The following ITPKB variants were observed in gnomAD, a reference collection of about 807,000 sequenced individuals.
ITPKB encodes inositol-trisphosphate 3-kinase B, also known as IP3 3-kinase B.
Under a neutral mutation model 69.4 loss-of-function variants are expected in ITPKB, and 13 were observed. The ratio of observed to expected loss-of-function variants is 0.19; its 90% confidence interval spans 0.12 to 0.30. The LOEUF (loss-of-function observed/expected upper bound fraction) is 0.30, where lower values mean the gene tolerates loss of function less well. ITPKB is among the 10% of genes least tolerant of loss of function. The probability of loss-of-function intolerance (pLI) is 1.00; values close to 1 mark genes in which losing one functional copy is unlikely to be tolerated. For missense variants in ITPKB, 1,240 were observed against 1,250.5 expected (o/e 0.99, Z 0.13); for synonymous variants, 584 against 513.7 (o/e 1.14, Z -1.85).
At chr1:226,698,370 G>C (rs1656546744) in intron 2 of ITPKB, among the ~76,000 whole-genome samples, 1 of 152,214 alleles carries the variant, frequency 6.6e-6, no homozygotes, top group Non-Finnish European at 1.5e-5. Flanking sequence ...CTGCTAGGGG[G>C]ATGAGAAACC....
intron 2 of ITPKB, among the ~76,000 whole-genome samples, chr1:226,670,785 G>C (rs1188847988): frequency 6.6e-6 from 1 of 152,136 alleles, no homozygotes; most frequent in African/African-American, 2.4e-5. Context: ...ATATTTGTAA[G>C]TATCCACAAA....
intron 4 of ITPKB, among the ~76,000 whole-genome samples, chr1:226,645,715 G>C (rs1255641640): frequency 6.6e-6 from 1 of 151,856 alleles, no homozygotes; most frequent in Non-Finnish European, 1.5e-5. Context: ...TCAGAAATCA[G>C]ACTCGGGAAA....
At chr1:226,661,099 C>T (rs562617558) in intron 2 of ITPKB, among the ~76,000 whole-genome samples, 27 of 152,314 alleles carry the variant, frequency 1.8e-4, no homozygotes, top group African/African-American at 5.3e-4. Context: ...CATCTTGGGC[C>T]GCTCTCTCAG....
intron 2 of ITPKB, among the ~76,000 whole-genome samples, chr1:226,649,584 TGTGCATGTGTGTGC>T (rs1336643975): frequency 6.6e-6 from 1 of 152,110 alleles, no homozygotes; most frequent in African/African-American, 2.4e-5. Flanking sequence ...AGTGTGTGCG[TGTGCATGTGTGTGC>T]GTGCATGTGT....
chr1:226,666,193 C>T (rs1272294549), intron 2 of ITPKB, among the ~76,000 whole-genome samples: 1 of 152,192 alleles, frequency 6.6e-6, no homozygotes, highest in African/African-American at 2.4e-5. Flanking sequence ...GGAGAGCGAG[C>T]AGCTGTGATA....
intron 2 of ITPKB, among the ~76,000 whole-genome samples, chr1:226,687,140 G>A (rs1203298308): frequency 6.6e-6 from 1 of 152,200 alleles, no homozygotes; most frequent in Non-Finnish European, 1.5e-5. Flanking sequence ...ATTTAAAAAA[G>A]GAATCTTTCT....
At chr1:226,664,561 T>A (rs1007200730) in intron 2 of ITPKB, among the ~76,000 whole-genome samples, 6 of 152,120 alleles carry the variant, frequency 3.9e-5, no homozygotes, top group African/African-American at 1.4e-4. Context: ...CCCTCCAAGG[T>A]CTCTGGGGAG....
At position 226,735,765 on chromosome 1, in the gene ITPKB, T is replaced by C. The variant is rs149227914; in HGVS notation, c.1694A>G (p.Asn565Ser). The C allele has an allele frequency of 2.7e-5, 43 of 1,598,804 alleles. No homozygotes were observed. The African/African-American group carries it at 4.1e-4, about 15-fold the overall frequency. Residue 565 changes from asparagine (N) to serine (S), a missense_variant, in exon 2 of 8, where the codon AAC becomes AGC. Around this residue, in one of 2 missense-constraint regions of ITPKB, gnomAD observed 992 missense variants for 853.8 expected, o/e 1.16. Coordinates refer to ENST00000429204, the MANE Select transcript of ITPKB (RefSeq NM_002221.4). ...PFLRKACSPSNIPAVIITDMG... is the reference protein window; with the variant it reads ...PFLRKACSPSSIPAVIITDMG... ...GTCTGTAATGATGACAGCAGGTATGTTGCTGGGGCTGCAGGCCTTCCTCAG... is the reference window on the plus strand; with the variant it reads ...GTCTGTAATGATGACAGCAGGTATGCTGCTGGGGCTGCAGGCCTTCCTCAG...
chr1:226,700,984 G>A (rs184911407), intron 2 of ITPKB, among the ~76,000 whole-genome samples: 116 of 152,298 alleles, frequency 7.6e-4, no homozygotes, highest in African/African-American at 2.0e-3. Flanking sequence ...TGGAGCACAC[G>A]GTGCCTTCAA....
intron 2 of ITPKB, among the ~76,000 whole-genome samples, chr1:226,713,938 A>G (rs1223450414): frequency 6.6e-6 from 1 of 152,172 alleles, no homozygotes; most frequent in Non-Finnish European, 1.5e-5. Context: ...TCCCACAAGG[A>G]CTTTCCTTGA....
chr1:226,711,407 G>GAGAA (rs1253201637), intron 2 of ITPKB, among the ~76,000 whole-genome samples: 1 of 78,342 alleles, frequency 1.3e-5, no homozygotes, highest in Non-Finnish European at 2.7e-5. Context: ...TGTTTTGAAA[G>GAGAA]AGAGAGAGAG....
At chr1:226,681,140 A>C (rs1571856094) in intron 2 of ITPKB, among the ~76,000 whole-genome samples, 2 of 152,024 alleles carry the variant, frequency 1.3e-5, no homozygotes, top group Admixed American at 1.3e-4. Context: ...ACCATGTCAA[A>C]CCCAGTCGTC....
chr1:226,677,224 A>G (rs558662779), intron 2 of ITPKB, among the ~76,000 whole-genome samples: 1 of 152,360 alleles, frequency 6.6e-6, no homozygotes, highest in African/African-American at 2.4e-5. Context: ...ATCAGCCCAC[A>G]AGAATTTGCC....
At chr1:226,677,074 T>G (rs1338856773) in intron 2 of ITPKB, among the ~76,000 whole-genome samples, 1 of 152,186 alleles carries the variant, frequency 6.6e-6, no homozygotes, top group Non-Finnish European at 1.5e-5. Context: ...CTTGGAAGCC[T>G]GGAGCAATTT....
intron 2 of ITPKB, among the ~76,000 whole-genome samples, chr1:226,722,566 T>A (rs369580385): frequency 1.2e-4 from 18 of 152,170 alleles, no homozygotes; most frequent in East Asian, 1.2e-3. Context: ...CGAAACTAAT[T>A]ACCATTCTGT....
At chr1:226,706,214 G>A (rs1320041167) in intron 2 of ITPKB, among the ~76,000 whole-genome samples, 1 of 152,242 alleles carries the variant, frequency 6.6e-6, no homozygotes, top group Non-Finnish European at 1.5e-5. Flanking sequence ...TGATGGGAAA[G>A]AACGTGGTAC....
intron 2 of ITPKB, among the ~76,000 whole-genome samples, chr1:226,677,070 A>G (rs1482399818): frequency 6.6e-6 from 1 of 152,182 alleles, no homozygotes; most frequent in Non-Finnish European, 1.5e-5. Flanking sequence ...CTAGCTTGGA[A>G]GCCTGGAGCA....
chr1:226,697,526 C>A (rs555488286), intron 2 of ITPKB, among the ~76,000 whole-genome samples: 1 of 152,182 alleles, frequency 6.6e-6, no homozygotes, highest in Admixed American at 6.5e-5. Context: ...GTGAGGGAAT[C>A]TCTTTGTGCG....
Position 226,641,691 on chromosome 1 carries a change from C to CA in ITPKB, c.2451+229dup, listed in dbSNP as rs1406390258. On this transcript the variant is annotated intron_variant, in intron 5 of 7. Coordinates refer to ENST00000429204, the MANE Select transcript of ITPKB (RefSeq NM_002221.4). This position sits in a 1 kb window ranked among gnomAD's most constrained non-coding sequence, Gnocchi z 4.6. Reference sequence around the variant, plus strand: ...TGGAGAGTCCTCGGCAGAGGGCTGACAGCTGGGCAGGGCTAGAAGCCACTC... The same window carrying CA: ...TGGAGAGTCCTCGGCAGAGGGCTGACAAGCTGGGCAGGGCTAGAAGCCACTC... Among the ~76,000 whole-genome samples the CA allele has an allele frequency of 1.3e-5, 2 of 152,266 alleles. No homozygotes were observed. Among genetic ancestry groups the CA allele is most frequent in the Non-Finnish European group, 2.9e-5 (2 of 68,050 alleles).
Sources: allele counts gnomAD v4.1 joint callset (sites outside exome capture counted in the v4.1 genomes callset), GRCh38; gene constraint gnomAD v4.1.1; regional missense constraint gnomAD v4.1.1; non-coding constraint Gnocchi (gnomAD v3.1); transcripts MANE v1.5; gene names NCBI Gene and HGNC (gene_info 2026-07-23, HGNC 2026-07-21).